EPC1: variants seen among roughly 807,000 people sequenced by gnomAD.
The protein encoded by EPC1 is enhancer of polycomb 1.
EPC1 carries 12 observed loss-of-function variants against 98.4 expected under a neutral mutation model. The ratio of observed to expected loss-of-function variants is 0.12; its 90% CI spans 0.08 to 0.20. The LOEUF is 0.20. Among genes scored for constraint, EPC1 ranks in the 10% least tolerant of loss-of-function variants. EPC1 has a pLI of 1.00. For missense variants in EPC1, 729 were observed against 990.5 expected, an observed-to-expected ratio of 0.74 and a Z score of 3.54; for synonymous variants, 357 against 363.9, an observed-to-expected ratio of 0.98 and a Z score of 0.21.
intron 1 of EPC1, among the ~76,000 whole-genome samples, chr10:32,315,023 A>T (rs2132870763): frequency 6.6e-6 from 1 of 152,340 alleles, no homozygotes; most frequent in Middle Eastern, 3.4e-3. Context: ...ATCACTATTT[A>T]TGTTTACATA....
chr10:32,354,010 A>G (rs1839199979), intron 1 of EPC1, among the ~76,000 whole-genome samples: 1 of 152,194 alleles, frequency 6.6e-6, no homozygotes, highest in African/African-American at 2.4e-5. Context: ...CTTTCAATAT[A>G]TTTACTAAGG....
intron 10 of EPC1, chr10:32,282,812 A>G (rs1284931144): frequency 6.6e-6 from 1 of 152,218 alleles, no homozygotes; most frequent in African/African-American, 2.4e-5. Context: ...AGATTGATGG[A>G]ACATGCCTAT....
chr10:32,348,950 A>G (rs1254012736), upstream of EPC1, among the ~76,000 whole-genome samples: 1 of 152,226 alleles, frequency 6.6e-6, no homozygotes, highest in Non-Finnish European at 1.5e-5. Context: ...GTGTGGGTTA[A>G]CTTTGCAAAA....
intron 1 of EPC1, among the ~76,000 whole-genome samples, chr10:32,326,951 C>T (rs1454740702): frequency 3.6e-5 from 5 of 139,572 alleles, no homozygotes; most frequent in Non-Finnish European, 6.0e-5. Context: ...TCAGTGGGAA[C>T]GTAAATCAGT....
upstream of EPC1, among the ~76,000 whole-genome samples, chr10:32,350,530 C>T (rs112508194): frequency 3.3e-5 from 5 of 152,108 alleles, no homozygotes; most frequent in East Asian, 3.8e-4. Flanking sequence ...GGGTGAGAGG[C>T]GGCAACTGTC....
At chr10:32,273,009 C>T (rs1276605988) in intron 11 of EPC1, 154 bp downstream of exon 11, 1 of 1,611,060 alleles carries the variant, frequency 6.2e-7, no homozygotes, top group Admixed American at 1.7e-5. Flanking sequence ...AGCTTCCATA[C>T]TCACCTGTAG....
In EPC1 at chr10:32,318,150, C is replaced by T. The variant is rs115768470; in HGVS notation, c.154-12219G>A. On this transcript the variant is annotated intron_variant, in intron 1 of 13. Transcript: ENST00000319778. ...GGAATAAAATTAGAGTCTCTTTCTA[C>T]GCTTAGAAAAGCCGCAATCTAATTG... is the stretch of plus-strand genomic sequence containing the variant. Among the ~76,000 whole-genome samples, 584 of 152,254 alleles carry T rather than the reference C, an allele frequency of 3.8e-3. 5 individuals are homozygous for T. Among genetic ancestry groups the T allele is most frequent in the African/African-American group, 0.013 (534 of 41,552 alleles).
chr10:32,378,169 TA>T (rs1839908531), intron 1 of EPC1, among the ~76,000 whole-genome samples: 1 of 152,200 alleles, frequency 6.6e-6, no homozygotes, highest in African/African-American at 2.4e-5. Context: ...ACATAATTTT[TA>T]TAAAGAGGAT....
chr10:32,346,738 G>A, intron 1 of EPC1, 25 bp downstream of exon 1: 1 of 1,605,856 alleles, frequency 6.2e-7, no homozygotes. Flanking sequence ...CTGACGGTGG[G>A]TCGGACAGGG....
intron 1 of EPC1, among the ~76,000 whole-genome samples, chr10:32,342,774 G>A (rs1345193729): frequency 6.6e-6 from 1 of 152,142 alleles, no homozygotes; most frequent in African/African-American, 2.4e-5. Context: ...CCAATGAAAA[G>A]TTAAACTACT....
At position 32,346,955 on chromosome 10, in the gene EPC1, C is replaced by T; in HGVS notation, c.-40G>A. 6.2e-7 allele frequency: 1 copy of T among 1,605,156 alleles called. No individual in the cohort carries two copies. The highest frequency in any genetic ancestry group is 1.1e-5 in the South Asian group (1 of 90,928). On this transcript the variant is annotated 5_prime_UTR_variant, in exon 1 of 14. Transcript: ENST00000319778. The stretch of plus-strand genomic sequence containing the variant: ...ATACCTCTCCGCTCTGGGGAAACGG[C>T]CCCGGCCAGCGGGATCATGGAGAAC...
At chr10:32,299,331 G>A (rs1345730550) in intron 2 of EPC1, among the ~76,000 whole-genome samples, 4 of 151,800 alleles carry the variant, frequency 2.6e-5, no homozygotes, top group East Asian at 1.9e-4. Context: ...GATTACAGGC[G>A]CTTGCCACCA....
intron 6 of EPC1, among the ~76,000 whole-genome samples, chr10:32,289,919 C>T (rs1420922947): frequency 6.6e-6 from 1 of 152,080 alleles, no homozygotes; most frequent in Non-Finnish European, 1.5e-5. Flanking sequence ...CCACCGTGCC[C>T]GGCCATGAAA....
chr10:32,336,256 G>C (rs1259470425), intron 1 of EPC1, among the ~76,000 whole-genome samples: 2 of 151,944 alleles, frequency 1.3e-5, no homozygotes, highest in Non-Finnish European at 2.9e-5. Context: ...TTTTAGTAGA[G>C]ACTGGGTTTC....
At chr10:32,348,212 T>A (rs564626498), upstream of EPC1, among the ~76,000 whole-genome samples, 1 of 152,190 alleles carries the variant, frequency 6.6e-6, no homozygotes, top group Non-Finnish European at 1.5e-5. Context: ...ATATGATAGA[T>A]GGGTGGCATC....
intron 1 of EPC1, among the ~76,000 whole-genome samples, chr10:32,339,648 A>C (rs985568901): frequency 6.6e-6 from 1 of 152,220 alleles, no homozygotes. Context: ...CTTTTATGTC[A>C]CACAATCCCA....
chr10:32,326,119 G>T (rs577232644), intron 1 of EPC1, among the ~76,000 whole-genome samples: 2 of 152,286 alleles, frequency 1.3e-5, no homozygotes, highest in South Asian at 4.1e-4. Context: ...GCAAGGAGTT[G>T]TAGGACAGAA....
intron 1 of EPC1, among the ~76,000 whole-genome samples, chr10:32,309,436 TA>T (rs1836069255): frequency 6.6e-6 from 1 of 151,532 alleles, no homozygotes; most frequent in Admixed American, 6.6e-5. Context: ...ATAAAAAATT[TA>T]AAAAATTATC....
chr10:32,374,203 A>G (rs972444692), intron 1 of EPC1: 15 of 152,158 alleles, frequency 9.9e-5, no homozygotes, highest in East Asian at 5.8e-4. Flanking sequence ...TTTCTGTTAT[A>G]TATACCATTA....
Sources: allele counts gnomAD v4.1 joint callset (sites outside exome capture counted in the v4.1 genomes callset), GRCh38; gene constraint gnomAD v4.1.1; transcripts MANE v1.5; gene names NCBI Gene and HGNC (gene_info 2026-07-23, HGNC 2026-07-21).